CDH18: variants seen among roughly 807,000 people sequenced by gnomAD.
The protein encoded by CDH18 is cadherin-18.
A neutral mutation model predicts 67.9 loss-of-function variants in CDH18; 31 were observed. The observed-to-expected ratio is 0.46, with a 90% CI of 0.34 to 0.62. CDH18 has a LOEUF of 0.62. Ranked by LOEUF, CDH18 falls within the 20% of genes least tolerant of loss-of-function variation. The pLI is 0.01. For missense variants in CDH18, 890 were observed against 975.5 expected (o/e 0.91, Z 1.17); for synonymous variants, 362 against 347.2 (o/e 1.04, Z -0.48).
At chr5:20,286,812 G>T (rs2126720164) in intron 1 of CDH18, among the ~76,000 whole-genome samples, 1 of 151,854 alleles carries the variant, frequency 6.6e-6, no homozygotes, top group Non-Finnish European at 1.5e-5. Flanking sequence ...AGGGGATACT[G>T]TGTACTCCCT....
At chr5:20,567,456 A>C (rs1015859594) in intron 1 of CDH18, among the ~76,000 whole-genome samples, 4 of 152,222 alleles carry the variant, frequency 2.6e-5, no homozygotes, top group African/African-American at 9.6e-5. Flanking sequence ...CAATGGAATA[A>C]GCAGTGCCTG....
rs148237326 is a variant in CDH18, at chr5:19,686,512, C to A, written c.643+34835G>T. ...ATTACACATGCAATGAGATAGCCAGCGTAGATGTTTAAAATGCCTATTTAT... is the reference window on the plus strand; with the variant it reads ...ATTACACATGCAATGAGATAGCCAGAGTAGATGTTTAAAATGCCTATTTAT... On this transcript the variant is annotated intron_variant, in intron 5 of 12. Coordinates refer to ENST00000382275, the MANE Select transcript of CDH18 (RefSeq NM_004934.5). Among the ~76,000 whole-genome samples, 6 of 152,096 alleles carry A rather than the reference C, an allele frequency of 3.9e-5. No homozygotes were observed. In the East Asian group the frequency reaches 1.2e-3, roughly 29 times the overall value.
intron 2 of CDH18, among the ~76,000 whole-genome samples, chr5:20,081,359 T>C (rs1202094334): frequency 6.6e-6 from 1 of 152,180 alleles, no homozygotes; most frequent in Non-Finnish European, 1.5e-5. Context: ...CATACACTGC[T>C]ACTAGGAGAC....
chr5:20,284,863 G>GC (rs1359725069), intron 1 of CDH18, among the ~76,000 whole-genome samples: 1 of 151,842 alleles, frequency 6.6e-6, no homozygotes, highest in Non-Finnish European at 1.5e-5. Context: ...CTGTTTCATA[G>GC]CCATAGTGTA....
chr5:19,787,535 A>G (rs1210001379), intron 3 of CDH18, among the ~76,000 whole-genome samples: 1 of 152,134 alleles, frequency 6.6e-6, no homozygotes, highest in Non-Finnish European at 1.5e-5. Context: ...ATCTGAAACT[A>G]TATGCATGTG....
At chr5:20,280,180 ATTTATTTAT>A (rs1483151193) in intron 1 of CDH18, among the ~76,000 whole-genome samples, 7 of 151,694 alleles carry the variant, frequency 4.6e-5, no homozygotes, top group Non-Finnish European at 1.0e-4. Flanking sequence ...AACTTTATTT[ATTTATTTAT>A]TTTATTTATT....
chr5:20,270,785 A>AT (rs1216005243), intron 1 of CDH18, among the ~76,000 whole-genome samples: 1 of 148,374 alleles, frequency 6.7e-6, no homozygotes, highest in East Asian at 2.0e-4. Context: ...TATATAGGAC[A>AT]TGGAATACTA....
At chr5:20,285,628 G>A (rs1746641833) in intron 1 of CDH18, among the ~76,000 whole-genome samples, 1 of 151,378 alleles carries the variant, frequency 6.6e-6, no homozygotes, top group African/African-American at 2.4e-5. Context: ...TATGAGTGAT[G>A]AATACTCAAT....
chr5:20,403,030 A>AT (rs1254246869), intron 1 of CDH18, among the ~76,000 whole-genome samples: 1 of 151,392 alleles, frequency 6.6e-6, no homozygotes, highest in African/African-American at 2.4e-5. Flanking sequence ...CAAAAAAAAA[A>AT]AAAATAGCGA....
chr5:19,562,057 G>T (rs984422312), intron 8 of CDH18, among the ~76,000 whole-genome samples: 3 of 152,114 alleles, frequency 2.0e-5, no homozygotes, highest in Admixed American at 6.6e-5. Context: ...GTTTCCTTTG[G>T]ATCAGAACAC....
Position 19,522,918 on chromosome 5 carries a change from G to A in CDH18, c.1391-2140C>T, listed in dbSNP as rs539390622. 7.3e-3 allele frequency among the ~76,000 whole-genome samples: 1,012 copies of A among 137,842 alleles called. 4 individuals carry two copies. Among genetic ancestry groups the A allele is most frequent in the Middle Eastern group, 0.012 (3 of 244 alleles). 90.4% of individuals were successfully genotyped at this position (137,842 alleles called of 152,430 possible). On this transcript the variant is annotated intron_variant, in intron 9 of 12. Transcript: ENST00000382275. Reference sequence around the variant, plus strand: ...TCAAAAAAAAAAAAAAAAAAAAAAGGAGAGTTGCTGTACCATTTATCAAGG... The same window carrying A: ...TCAAAAAAAAAAAAAAAAAAAAAAGAAGAGTTGCTGTACCATTTATCAAGG...
At chr5:19,536,498 G>A (rs1749442682) in intron 9 of CDH18, among the ~76,000 whole-genome samples, 1 of 152,222 alleles carries the variant, frequency 6.6e-6, no homozygotes, top group East Asian at 1.9e-4. Context: ...TCTTGTTAAG[G>A]AAATTGATAC....
chr5:20,522,825 G>T (rs760393509), intron 1 of CDH18, among the ~76,000 whole-genome samples: 1 of 152,030 alleles, frequency 6.6e-6, no homozygotes, highest in Non-Finnish European at 1.5e-5. Context: ...TAATTTATGC[G>T]CACGCACTTG....
intron 9 of CDH18, among the ~76,000 whole-genome samples, chr5:19,524,847 G>A (rs918199068): frequency 1.1e-4 from 17 of 152,082 alleles, no homozygotes; most frequent in Non-Finnish European, 2.4e-4. Context: ...CCGGGTTCAC[G>A]CCATTCTCCT....
Position 19,693,740 on chromosome 5 carries a change from T to C in CDH18, c.643+27607A>G, listed in dbSNP as rs192240268. Among the ~76,000 whole-genome samples, 17 of 151,960 alleles carry C rather than the reference T, an allele frequency of 1.1e-4. No homozygotes were observed. The East Asian group carries it at 1.9e-3, about 17-fold the overall frequency. ...GGTGGAACTCTGTCTCTACTAAAGA[T>C]ACAAAAATTAGCTCAGCATAGGGTG... On this transcript the variant is annotated intron_variant, in intron 5 of 12. Transcript: ENST00000382275.
At chr5:19,610,337 A>C (rs1379019303) in intron 6 of CDH18, among the ~76,000 whole-genome samples, 6 of 152,038 alleles carry the variant, frequency 3.9e-5, no homozygotes, top group African/African-American at 1.4e-4. Flanking sequence ...ATTATTGATC[A>C]ACATAATAAA....
chr5:20,403,565 G>A (rs1387848496), intron 1 of CDH18, among the ~76,000 whole-genome samples: 1 of 152,116 alleles, frequency 6.6e-6, no homozygotes, highest in Non-Finnish European at 1.5e-5. Context: ...CAGGTGTATT[G>A]TCACTGAGAA....
intron 1 of CDH18, among the ~76,000 whole-genome samples, chr5:20,405,250 TG>T (rs1306821191): frequency 2.0e-5 from 3 of 152,006 alleles, no homozygotes; most frequent in Non-Finnish European, 2.9e-5. Flanking sequence ...TATAGACCAA[TG>T]GAACAGAACA....
chr5:20,181,005 A>G (rs1166340756), intron 2 of CDH18, among the ~76,000 whole-genome samples: 2 of 152,078 alleles, frequency 1.3e-5, no homozygotes, highest in Non-Finnish European at 2.9e-5. Context: ...TTCTCTATTC[A>G]TGGATCACTG....
Sources: gnomAD v4.1 joint callset for allele counts (sites outside exome capture counted in the v4.1 genomes callset) on GRCh38, gnomAD v4.1.1 for gene constraint, MANE v1.5 for transcripts, NCBI Gene and HGNC (gene_info 2026-07-23, HGNC 2026-07-21) for gene names.